Variants in TRIQK observed in about 807,000 individuals in gnomAD.
The protein encoded by TRIQK is triple QxxK/R motif containing, also known as triple QxxK/R motif-containing protein.
In TRIQK, 10 loss-of-function variants were observed where a neutral mutation model predicts 10.8. The observed-to-expected ratio is 0.92, with a 90% CI of 0.57 to 1.57. The LOEUF is 1.57. TRIQK is among the 40% of genes most tolerant of loss of function. The pLI is 0.00. For missense variants in TRIQK, 107 were observed against 97.7 expected (o/e 1.09, Z -0.40); for synonymous variants, 33 against 33.7 (o/e 0.98, Z 0.07).
intron 1 of TRIQK, among the ~76,000 whole-genome samples, chr8:92,999,614 G>A (rs1001765181): frequency 2.0e-5 from 3 of 152,162 alleles, no homozygotes; most frequent in African/African-American, 4.8e-5. Flanking sequence ...CCAATTTGTG[G>A]ACTTCGTTAA....
intron 1 of TRIQK, 125 bp from the exon 2 acceptor site, chr8:92,954,689 A>G (rs1479153812): frequency 6.6e-6 from 1 of 151,956 alleles, no homozygotes; most frequent in African/African-American, 2.4e-5. Flanking sequence ...TAACTCTGTT[A>G]TTTATTCCAT....
At chr8:93,002,255 A>G (rs1813218099) in intron 1 of TRIQK, among the ~76,000 whole-genome samples, 1 of 152,144 alleles carries the variant, frequency 6.6e-6, no homozygotes, top group African/African-American at 2.4e-5. Flanking sequence ...CTAAATTAAT[A>G]AAAAAGGAAA....
chr8:92,951,813 A>C (rs1055373951), intron 2 of TRIQK, among the ~76,000 whole-genome samples: 2 of 152,112 alleles, frequency 1.3e-5, no homozygotes, highest in Non-Finnish European at 2.9e-5. Flanking sequence ...CCCCAACTCT[A>C]GCCCACTCTA....
chr8:92,910,611 A>G (rs1782105427), intron 3 of TRIQK, among the ~76,000 whole-genome samples: 1 of 151,078 alleles, frequency 6.6e-6, no homozygotes, highest in South Asian at 2.1e-4. Flanking sequence ...TCATTAATTT[A>G]TAGATTAAAA....
chr8:92,949,867 AG>A lies in TRIQK; in HGVS notation c.-22+4538del, dbSNP rs1388192091. On this transcript the variant is annotated intron_variant, in intron 2 of 4. Coordinates refer to ENST00000521988, the MANE Select transcript of TRIQK (RefSeq NM_001171797.2). ...GGGAGAGAAAAGAAAAGAGAAAGGA[AG>A]GGAGGGAGGGAGGGAGGAAGGAAGG... Among the ~76,000 whole-genome samples the A allele has an allele frequency of 2.2e-5, 3 of 136,184 alleles. No homozygotes were observed. In the East Asian group the frequency reaches 7.6e-4, roughly 34 times the overall value. The allele number at this position is 136,184 out of a possible 152,430, so 89.3% of individuals were successfully genotyped here.
chr8:92,905,237 C>T (rs1356059592), intron 3 of TRIQK, among the ~76,000 whole-genome samples: 1 of 151,832 alleles, frequency 6.6e-6, no homozygotes, highest in African/African-American at 2.4e-5. Flanking sequence ...TAATGGAAAG[C>T]CATAAAGCAC....
At chr8:92,966,706 C>T (rs1271390466), upstream of TRIQK, among the ~76,000 whole-genome samples, 2 of 152,074 alleles carry the variant, frequency 1.3e-5, no homozygotes, top group Non-Finnish European at 2.9e-5. Context: ...AAATTATACT[C>T]ATGTAATCCT....
chr8:92,912,732 G>T (rs894165654), intron 3 of TRIQK, among the ~76,000 whole-genome samples: 2 of 151,768 alleles, frequency 1.3e-5, no homozygotes, highest in African/African-American at 4.8e-5. Context: ...TAAACTAGAA[G>T]AAATGGGTAA....
chr8:92,953,358 C>T (rs1812005510), intron 2 of TRIQK: 1 of 151,932 alleles, frequency 6.6e-6, no homozygotes. Context: ...AACCAAAATT[C>T]CTGCCTTCAT....
At chr8:92,940,543 T>G (rs1811217263) in intron 2 of TRIQK, among the ~76,000 whole-genome samples, 1 of 152,188 alleles carries the variant, frequency 6.6e-6, no homozygotes. Context: ...GGTCATTATA[T>G]AATAATAAAT....
chr8:92,982,076 A>C (rs548601657), intron 1 of TRIQK, among the ~76,000 whole-genome samples: 65 of 151,942 alleles, frequency 4.3e-4, no homozygotes, highest in African/African-American at 1.5e-3. Flanking sequence ...ATATCTAAAA[A>C]TAAGTTTAAA....
Position 92,886,535 on chromosome 8 carries a change from G to T in TRIQK, c.*87C>A. 1.4e-6 allele frequency: 1 copy of T among 697,940 alleles called. No homozygotes were observed. The highest frequency in any genetic ancestry group is 2.0e-5 in the South Asian group (1 of 50,158). 43.2% of individuals were successfully genotyped at this position (697,940 alleles called of 1,614,324 possible). Reference sequence around the variant, plus strand: ...GAAAATATTAGCAGAAAGAATTAAAGATGTTACAGTTTCAGTATTGAAAGT... The same window carrying T: ...GAAAATATTAGCAGAAAGAATTAAATATGTTACAGTTTCAGTATTGAAAGT... On this transcript the variant is annotated 3_prime_UTR_variant, in exon 5 of 5. Transcript: ENST00000521988.
At chr8:92,990,774 C>A (rs1231706632) in intron 1 of TRIQK, among the ~76,000 whole-genome samples, 2 of 152,144 alleles carry the variant, frequency 1.3e-5, no homozygotes, top group Admixed American at 6.5e-5. Context: ...CAAGAGATTC[C>A]CTTGGGTGCC....
chr8:92,900,841 A>G (rs1366124451), intron 3 of TRIQK, among the ~76,000 whole-genome samples: 1 of 152,100 alleles, frequency 6.6e-6, no homozygotes, highest in Non-Finnish European at 1.5e-5. Context: ...AGGATAAACA[A>G]TTTAGCAATA....
intron 2 of TRIQK, among the ~76,000 whole-genome samples, chr8:92,926,060 C>T (rs553385394): frequency 5.3e-5 from 8 of 150,156 alleles, no homozygotes; most frequent in African/African-American, 1.7e-4. Flanking sequence ...AGCTGGGGAA[C>T]AGAGCAAGAC....
At chr8:92,994,794 T>A (rs1211519584) in intron 1 of TRIQK, among the ~76,000 whole-genome samples, 1 of 151,966 alleles carries the variant, frequency 6.6e-6, no homozygotes, top group Admixed American at 6.6e-5. Flanking sequence ...TCAAAATAAA[T>A]CCCTTAGAAC....
intron 4 of TRIQK, among the ~76,000 whole-genome samples, chr8:92,891,256 C>T (rs1250637950): frequency 4.0e-5 from 6 of 151,804 alleles, no homozygotes; most frequent in African/African-American, 1.5e-4. Flanking sequence ...AGATAAAACC[C>T]AAAATCTCCT....
At chr8:92,914,335 T>C (rs751509963) in intron 3 of TRIQK, among the ~76,000 whole-genome samples, 20 of 152,110 alleles carry the variant, frequency 1.3e-4, no homozygotes, top group Non-Finnish European at 2.4e-4. Context: ...TATGATTTCT[T>C]GGATGTAACA....
At chr8:92,996,414 C>G (rs1465819895) in intron 1 of TRIQK, among the ~76,000 whole-genome samples, 1 of 151,862 alleles carries the variant, frequency 6.6e-6, no homozygotes, top group Non-Finnish European at 1.5e-5. Flanking sequence ...AACCATAAAT[C>G]AAGACATGTA....
Sources: gnomAD v4.1 joint callset for allele counts (sites outside exome capture counted in the v4.1 genomes callset) on GRCh38, gnomAD v4.1.1 for gene constraint, MANE v1.5 for transcripts, NCBI Gene and HGNC (gene_info 2026-07-23, HGNC 2026-07-21) for gene names.